The following SULF1 variants were observed in gnomAD, a reference collection of about 807,000 sequenced individuals.
SULF1 encodes the protein sulfatase 1, also known as extracellular sulfatase Sulf-1.
SULF1 carries 46 observed loss-of-function variants against 110.5 expected under a neutral mutation model. The observed-to-expected ratio is 0.42, with a 90% CI of 0.33 to 0.53. The LOEUF is 0.53. Among genes scored for constraint, SULF1 ranks in the 20% least tolerant of loss-of-function variants. SULF1 has a pLI of 0.12. For missense variants in SULF1, 941 were observed against 1,094.2 expected, an observed-to-expected ratio of 0.86 and a Z score of 1.98; for synonymous variants, 371 against 387.1, an observed-to-expected ratio of 0.96 and a Z score of 0.49.
At chr8:69,567,924 T>C (rs1022162774) in intron 5 of SULF1, among the ~76,000 whole-genome samples, 3 of 152,238 alleles carry the variant, frequency 2.0e-5, no homozygotes, top group Non-Finnish European at 4.4e-5. Flanking sequence ...CTGTTCTCCA[T>C]AGCAACTCAC....
intron 22 of SULF1, among the ~76,000 whole-genome samples, chr8:69,650,973 G>A (rs1052560809): frequency 2.1e-4 from 32 of 152,174 alleles, no homozygotes; most frequent in African/African-American, 7.7e-4. Flanking sequence ...TGCTGCTGAG[G>A]TGTCTTGGCA....
At chr8:69,507,932 T>C (rs1225448127) in intron 3 of SULF1, among the ~76,000 whole-genome samples, 2 of 152,146 alleles carry the variant, frequency 1.3e-5, no homozygotes, top group Non-Finnish European at 2.9e-5. Context: ...CTGAGATGTG[T>C]ATGGGACAAA....
At chr8:69,537,980 A>G (rs141230546) in intron 3 of SULF1, among the ~76,000 whole-genome samples, 2,927 of 141,102 alleles carry the variant, frequency 0.021, 84 homozygotes, top group African/African-American at 0.072. Flanking sequence ...TTTTTTTTTT[A>G]GACGGAGTCT....
intron 3 of SULF1, among the ~76,000 whole-genome samples, chr8:69,533,749 A>G (rs908267973): frequency 9.9e-5 from 15 of 152,180 alleles, no homozygotes; most frequent in Non-Finnish European, 2.1e-4. Context: ...AGAATGATTT[A>G]TATTCCTTTG....
At chr8:69,527,922 G>T (rs987867536) in intron 3 of SULF1, among the ~76,000 whole-genome samples, 2 of 152,112 alleles carry the variant, frequency 1.3e-5, no homozygotes, top group African/African-American at 4.8e-5. Flanking sequence ...GGGAATCTGT[G>T]AAGAGTTTGA....
intron 7 of SULF1, among the ~76,000 whole-genome samples, chr8:69,588,715 T>C (rs1483765918): frequency 6.6e-6 from 1 of 152,178 alleles, no homozygotes; most frequent in East Asian, 1.9e-4. Context: ...ACTTTTTTTT[T>C]CCCCATTGCT....
At chr8:69,641,033 C>T (rs561831375) in intron 22 of SULF1, 192 bp downstream of exon 22, 30 of 469,962 alleles carry the variant, frequency 6.4e-5, no homozygotes, top group African/African-American at 5.8e-4. Context: ...AATCAGCTCA[C>T]TGTCCCATCA....
chr8:69,565,224 CT>C (rs10714268), intron 5 of SULF1, among the ~76,000 whole-genome samples: 41,886 of 145,752 alleles, frequency 0.29, 7,058 homozygotes, highest in African/African-American at 0.49. Context: ...GTCAACCCAA[CT>C]TTTTTTTTTT....
intron 8 of SULF1, among the ~76,000 whole-genome samples, chr8:69,595,619 C>T (rs1188442098): frequency 6.6e-6 from 1 of 152,174 alleles, no homozygotes; most frequent in African/African-American, 2.4e-5. Context: ...ATCTGTATCA[C>T]TGGCTTATTC....
At chr8:69,585,265 T>C (rs757453545) in intron 6 of SULF1, among the ~76,000 whole-genome samples, 1 of 152,288 alleles carries the variant, frequency 6.6e-6, no homozygotes, top group African/African-American at 2.4e-5. Context: ...GAAAGCTATG[T>C]GTGTGGCTGG....
intron 13 of SULF1, among the ~76,000 whole-genome samples, chr8:69,614,309 G>A (rs1041706301): frequency 6.6e-6 from 1 of 152,180 alleles, no homozygotes; most frequent in Admixed American, 6.5e-5. Context: ...ACACCGATGA[G>A]TAAAAAACAC....
intron 3 of SULF1, among the ~76,000 whole-genome samples, chr8:69,518,174 C>T (rs1812063656): frequency 6.6e-6 from 1 of 152,162 alleles, no homozygotes; most frequent in South Asian, 2.1e-4. Flanking sequence ...TGAAATTGTT[C>T]CACTGAGACA....
intron 2 of SULF1, among the ~76,000 whole-genome samples, chr8:69,498,974 T>A (rs1810592614): frequency 6.6e-6 from 1 of 152,184 alleles, no homozygotes; most frequent in African/African-American, 2.4e-5. Flanking sequence ...TCCTCCCACC[T>A]AAGCCTCCCT....
At chr8:69,574,500 T>C (rs899568219) in intron 5 of SULF1, among the ~76,000 whole-genome samples, 7 of 152,232 alleles carry the variant, frequency 4.6e-5, no homozygotes, top group African/African-American at 1.4e-4. Flanking sequence ...CCCTCTATTT[T>C]TATATGCCCT....
chr8:69,473,660 T>C (rs953120090), intron 1 of SULF1, among the ~76,000 whole-genome samples: 12 of 152,220 alleles, frequency 7.9e-5, no homozygotes, highest in African/African-American at 2.2e-4. Flanking sequence ...CATTATACCA[T>C]AACAATTGAA....
At chr8:69,637,129 G>A (rs1038102697) in intron 19 of SULF1, among the ~76,000 whole-genome samples, 2 of 152,140 alleles carry the variant, frequency 1.3e-5, no homozygotes, top group African/African-American at 4.8e-5. Flanking sequence ...CCCACTTACC[G>A]AGCTTTTTCA....
intron 3 of SULF1, among the ~76,000 whole-genome samples, chr8:69,557,252 A>G (rs1381804344): frequency 3.3e-5 from 5 of 152,220 alleles, no homozygotes; most frequent in Admixed American, 6.5e-5. Context: ...TTGGACCACA[A>G]TTGGTCACCA....
chr8:69,485,530 C>T (rs1204333499), intron 1 of SULF1, among the ~76,000 whole-genome samples: 1 of 152,178 alleles, frequency 6.6e-6, no homozygotes, highest in African/African-American at 2.4e-5. Context: ...TCAGCTTCTT[C>T]TTCCTAATGC....
chr8:69,603,459 C>A, intron 11 of SULF1, 139 bp downstream of exon 11: 2 of 1,446,082 alleles, frequency 1.4e-6, no homozygotes, highest in Non-Finnish European at 1.9e-6. Flanking sequence ...CATTTCTCAG[C>A]TGCTTGTGAA....
Sources: allele counts gnomAD v4.1 joint callset (sites outside exome capture counted in the v4.1 genomes callset), GRCh38; gene constraint gnomAD v4.1.1; transcripts MANE v1.5; gene names NCBI Gene and HGNC (gene_info 2026-07-23, HGNC 2026-07-21).